Variants in PCDH7 observed in about 807,000 individuals in gnomAD.
PCDH7 encodes the protein protocadherin-7.
In PCDH7, 17 loss-of-function variants were observed where a neutral mutation model predicts 58.9. That is an observed-to-expected ratio of 0.29 (90% CI 0.20 to 0.43). The LOEUF (loss-of-function observed/expected upper bound fraction) is 0.43, where lower values mean the gene tolerates loss of function less well. Among genes scored for constraint, PCDH7 ranks in the 20% least tolerant of loss-of-function variants. PCDH7 has a pLI of 1.00. For synonymous variants in PCDH7, 664 were observed against 616.4 expected (o/e 1.08, Z -1.14); for missense variants, 1,274 against 1,441.0 (o/e 0.88, Z 1.88).
chr4:30,804,895 T>C (rs1430305264), intron 1 of PCDH7, among the ~76,000 whole-genome samples: 2 of 152,218 alleles, frequency 1.3e-5, no homozygotes, highest in Non-Finnish European at 2.9e-5. Flanking sequence ...TATGTAGTCG[T>C]TCTCTATTAG....
intron 1 of PCDH7, among the ~76,000 whole-genome samples, chr4:30,871,165 G>A (rs1735525920): frequency 6.6e-6 from 1 of 152,040 alleles, no homozygotes; most frequent in Non-Finnish European, 1.5e-5. Flanking sequence ...TGAGAAATTT[G>A]ATTTTATGCT....
chr4:31,067,572 G>A (rs1020776708), intron 3 of PCDH7, among the ~76,000 whole-genome samples: 1 of 151,996 alleles, frequency 6.6e-6, no homozygotes, highest in South Asian at 2.1e-4. Context: ...GGAACACAAG[G>A]AGAAATAGAG....
chr4:30,773,832 A>G (rs746706550), intron 1 of PCDH7, among the ~76,000 whole-genome samples: 9 of 152,114 alleles, frequency 5.9e-5, no homozygotes, highest in South Asian at 2.1e-4. Context: ...TCTTCTGACC[A>G]CATAATTCTG....
chr4:30,950,632 AT>A (rs1236374847), intron 3 of PCDH7, among the ~76,000 whole-genome samples: 1 of 152,342 alleles, frequency 6.6e-6, no homozygotes, highest in East Asian at 1.9e-4. Context: ...CTTCAAAAGC[AT>A]TGCACAAAAT....
chr4:30,804,793 C>T (rs1258804772), intron 1 of PCDH7, among the ~76,000 whole-genome samples: 1 of 152,144 alleles, frequency 6.6e-6, no homozygotes, highest in East Asian at 1.9e-4. Flanking sequence ...CATAAAATAT[C>T]TAACTAAAAT....
intron 1 of PCDH7, among the ~76,000 whole-genome samples, chr4:30,775,453 T>C (rs941155161): frequency 6.6e-6 from 1 of 152,166 alleles, no homozygotes; most frequent in African/African-American, 2.4e-5. Flanking sequence ...TATTGAGTAA[T>C]GTTTCAAGAC....
At chr4:30,815,676 A>G (rs2109317256) in intron 1 of PCDH7, among the ~76,000 whole-genome samples, 1 of 152,348 alleles carries the variant, frequency 6.6e-6, no homozygotes, top group African/African-American at 2.4e-5. Context: ...ATCATACACC[A>G]GTAAAACTCT....
At chr4:30,741,403 A>C (rs1234680878) in intron 1 of PCDH7, among the ~76,000 whole-genome samples, 1 of 151,104 alleles carries the variant, frequency 6.6e-6, no homozygotes, top group East Asian at 1.9e-4. Flanking sequence ...CACGTTACCC[A>C]GGTTGGTCTG....
chr4:30,861,651 G>A (rs1334263695), intron 1 of PCDH7, among the ~76,000 whole-genome samples: 1 of 152,100 alleles, frequency 6.6e-6, no homozygotes, highest in Admixed American at 6.5e-5. Context: ...TTCTAGTGTA[G>A]TACTATATTA....
intron 1 of PCDH7, among the ~76,000 whole-genome samples, chr4:30,825,315 G>A (rs1728957496): frequency 6.6e-6 from 1 of 152,058 alleles, no homozygotes; most frequent in Non-Finnish European, 1.5e-5. Flanking sequence ...TTATGTTTTG[G>A]TGTAATGTAG....
rs1713926989 is a variant in PCDH7 at position 30,722,929 on chromosome 4, G to C, written c.1507G>C (p.Val503Leu). Residue 503 changes from valine (V) to leucine (L), a missense_variant, in exon 1 of 2, where the codon GTG becomes CTG. Physicochemically the swap from Val to Leu is conservative, Grantham distance 32. Around this residue, in one of 3 missense-constraint regions of PCDH7, gnomAD observed 731 missense variants for 881.9 expected, o/e 0.83. Coordinates refer to ENST00000361762, the Ensembl canonical transcript of PCDH7. This position sits in a 1 kb window ranked among gnomAD's most constrained non-coding sequence, Gnocchi z 7.6. ...CTATGAGGCCACCCGGGAGTTCAAC[G>C]TGGTCATCGTGGCGGTGGACTCAGG... 6.2e-7 allele frequency: 1 copy of C among 1,613,726 alleles called. No homozygotes were observed. Among genetic ancestry groups the C allele is most frequent in the Non-Finnish European group, 8.5e-7 (1 of 1,180,030 alleles).
intron 3 of PCDH7, among the ~76,000 whole-genome samples, chr4:31,075,159 C>CT (rs55717828): frequency 6.6e-6 from 1 of 152,092 alleles, no homozygotes; most frequent in African/African-American, 2.4e-5. Context: ...CAGAAAGCCT[C>CT]TTTTTTTGTT....
In PCDH7 at chr4:30,868,502, AT is replaced by A. The variant is rs1373260793; in HGVS notation, c.71-51647del. 1.2e-4 allele frequency among the ~76,000 whole-genome samples: 18 copies of A among 152,032 alleles called. 1 individual carries two copies. The highest frequency in any genetic ancestry group is 1.1e-3 in the Admixed American group (17 of 15,250). On this transcript the variant is annotated intron_variant, in intron 1 of 3. Coordinates refer to the PCDH7 transcript ENST00000509759. ...TGACAAGGAATGTTCAGTGCCTTCC[AT>A]TTTATGATGTTTATTCAAAGACTTC...
At chr4:31,024,828 GTC>G in intron 3 of PCDH7, among the ~76,000 whole-genome samples, 1 of 152,220 alleles carries the variant, frequency 6.6e-6, no homozygotes, top group East Asian at 1.9e-4. Flanking sequence ...TGCAACCTCT[GTC>G]TCCTGAGTTC....
At chr4:30,770,458 T>C (rs1303334185) in intron 1 of PCDH7, among the ~76,000 whole-genome samples, 1 of 152,006 alleles carries the variant, frequency 6.6e-6, no homozygotes, top group African/African-American at 2.4e-5. Flanking sequence ...ATGTTTGTTA[T>C]GGAAACTGTT....
At chr4:31,049,834 T>C (rs1051470456) in intron 3 of PCDH7, among the ~76,000 whole-genome samples, 5 of 152,134 alleles carry the variant, frequency 3.3e-5, no homozygotes, top group African/African-American at 1.2e-4. Flanking sequence ...CCAATCATTT[T>C]CATGAAAGAT....
chr4:30,783,955 T>C (rs1451483552), intron 1 of PCDH7, among the ~76,000 whole-genome samples: 1 of 152,082 alleles, frequency 6.6e-6, no homozygotes, highest in Non-Finnish European at 1.5e-5. Context: ...TGTGTGTGTG[T>C]GTGTATGTGT....
chr4:30,978,433 A>G (rs991465315), intron 3 of PCDH7, among the ~76,000 whole-genome samples: 1 of 152,236 alleles, frequency 6.6e-6, no homozygotes, highest in Admixed American at 6.5e-5. Flanking sequence ...TTAATAGCCC[A>G]TATAGCCTTG....
chr4:30,964,057 C>T (rs529589058), intron 3 of PCDH7, among the ~76,000 whole-genome samples: 2 of 152,186 alleles, frequency 1.3e-5, no homozygotes, highest in East Asian at 3.9e-4. Flanking sequence ...ATTGCATTGT[C>T]TATTGGCATT....
Sources: allele counts gnomAD v4.1 joint callset (sites outside exome capture counted in the v4.1 genomes callset), GRCh38; gene constraint gnomAD v4.1.1; regional missense constraint gnomAD v4.1.1; non-coding constraint Gnocchi (gnomAD v3.1); transcripts MANE v1.5; gene names NCBI Gene and HGNC (gene_info 2026-07-23, HGNC 2026-07-21).